Variants in ZNF536 observed in about 807,000 individuals in gnomAD.
The protein encoded by ZNF536 is zinc finger protein 536.
ZNF536 carries 13 observed loss-of-function variants against 84.5 expected under a neutral mutation model. That is an observed-to-expected ratio of 0.15 (90% confidence interval 0.10 to 0.24). ZNF536 has a LOEUF of 0.24. ZNF536 is among the 10% of genes least tolerant of loss of function. ZNF536 has a pLI of 1.00. For synonymous variants in ZNF536, 811 were observed against 742.5 expected (o/e 1.09, Z -1.50); for missense variants, 1,536 against 1,747.5 (o/e 0.88, Z 2.16).
chr19:30,558,569 T>C (rs991971185), downstream of ZNF536, among the ~76,000 whole-genome samples: 1 of 152,234 alleles, frequency 6.6e-6, no homozygotes, highest in Non-Finnish European at 1.5e-5. Flanking sequence ...GGAATCTTTA[T>C]GTTCTGCTGA....
intron 2 of ZNF536, among the ~76,000 whole-genome samples, chr19:30,299,478 A>G (rs1210791765): frequency 1.3e-5 from 2 of 152,158 alleles, no homozygotes; most frequent in Non-Finnish European, 2.9e-5. Flanking sequence ...GCTGCCTGTG[A>G]GGGTAGGTGG....
intron 2 of ZNF536, among the ~76,000 whole-genome samples, chr19:30,485,742 GTGTT>G (rs2054280567): frequency 2.0e-5 from 3 of 151,918 alleles, no homozygotes; most frequent in Admixed American, 2.0e-4. Context: ...ATTAATTACT[GTGTT>G]TGTAAAGTGC....
At chr19:30,431,992 C>CATATATATAT (rs561025363) in intron 1 of ZNF536, among the ~76,000 whole-genome samples, 12 of 144,600 alleles carry the variant, frequency 8.3e-5, no homozygotes, top group South Asian at 2.3e-4. Context: ...TCATTAAAAG[C>CATATATATAT]ATATATATAT....
intron 1 of ZNF536, among the ~76,000 whole-genome samples, chr19:30,674,112 G>A (rs1334688564): frequency 1.3e-5 from 2 of 152,242 alleles, no homozygotes; most frequent in Non-Finnish European, 2.9e-5. Context: ...CCAAGAGGCA[G>A]ATATTGTGTT....
intron 2 of ZNF536, among the ~76,000 whole-genome samples, chr19:30,304,400 G>T (rs965822167): frequency 2.0e-5 from 3 of 152,184 alleles, no homozygotes; most frequent in Middle Eastern, 3.2e-3. Context: ...AGAAGCCTTT[G>T]ATGGGAGGGA....
intron 2 of ZNF536, among the ~76,000 whole-genome samples, chr19:30,323,666 G>T (rs1348800470): frequency 6.6e-6 from 1 of 152,200 alleles, no homozygotes; most frequent in Admixed American, 6.5e-5. Context: ...GGCAGGTGCT[G>T]TCTAGAGGAA....
rs151214544 is a variant in ZNF536, at chr19:30,598,090, C to T, written c.169+48576C>T. Among the ~76,000 whole-genome samples the T allele has an allele frequency of 4.4e-3, 670 of 152,252 alleles. 5 individuals carry two copies. Among genetic ancestry groups the T allele is most frequent in the African/African-American group, 0.014 (590 of 41,542 alleles). ...CAACAGACACAGAGTAGGCATGCATCGTGAATCCAGCTGCTGAAATATCCC... is the reference window on the plus strand; with the variant it reads ...CAACAGACACAGAGTAGGCATGCATTGTGAATCCAGCTGCTGAAATATCCC... On this transcript the variant is annotated intron_variant, in intron 1 of 1. Transcript: ENST00000592773.
At chr19:30,553,252 T>C (rs1213620722) in intron 4 of ZNF536, among the ~76,000 whole-genome samples, 1 of 152,138 alleles carries the variant, frequency 6.6e-6, no homozygotes. Flanking sequence ...ATAAGCCCAG[T>C]CTAGTCTGAG....
At chr19:30,258,695 ATATTTATTTATTTATTTATT>A (rs10554010) in intron 1 of ZNF536, among the ~76,000 whole-genome samples, 1 of 146,522 alleles carries the variant, frequency 6.8e-6, no homozygotes, top group Admixed American at 6.8e-5. Context: ...TATTTTTTAA[ATATTTATTTATTTATTTATT>A]TATTTATTTA....
rs1418582004 is a variant in ZNF536, at chr19:30,526,678, T to C, written c.2171-8169T>C. Among the ~76,000 whole-genome samples the C allele has an allele frequency of 5.2e-5, 6 of 115,226 alleles. 1 individual carries two copies. Among genetic ancestry groups the C allele is most frequent in the African/African-American group, 1.1e-4 (4 of 35,788 alleles). The allele number at this position is 115,226 out of a possible 152,430, so 75.6% of individuals were successfully genotyped here. A position where few individuals can be genotyped will look rare whatever the true frequency, so the allele number is the denominator to read the frequency against. On this transcript the variant is annotated intron_variant, in intron 2 of 4. Transcript: ENST00000355537. ...GGCGGAGCTTGCAGTGAGCCGAGAT[T>C]GCGCCACTGCACTCCAGCCTGGGCG...
chr19:30,668,829 C>T (rs1436336313), intron 1 of ZNF536, among the ~76,000 whole-genome samples: 1 of 152,214 alleles, frequency 6.6e-6, no homozygotes, highest in African/African-American at 2.4e-5. Context: ...AAGCCAGCTC[C>T]GATTCCTGAG....
chr19:30,369,970 G>T (rs1302606061), upstream of ZNF536, among the ~76,000 whole-genome samples: 22 of 152,160 alleles, frequency 1.4e-4, no homozygotes. Context: ...TGTCCACAGT[G>T]GGGGGATGGC....
At chr19:30,517,963 A>G (rs1453532321) in intron 2 of ZNF536, among the ~76,000 whole-genome samples, 10 of 152,306 alleles carry the variant, frequency 6.6e-5, no homozygotes, top group Non-Finnish European at 2.9e-5. Flanking sequence ...CGTGGTGGGC[A>G]CAGCGTGTAC....
chr19:30,648,263 C>T (rs2049553014), intron 1 of ZNF536, among the ~76,000 whole-genome samples: 1 of 152,286 alleles, frequency 6.6e-6, no homozygotes, highest in Middle Eastern at 3.4e-3. Context: ...AACCTGCGGC[C>T]GCGTGGAAGC....
chr19:30,519,768 CG>C (rs1354048975), intron 2 of ZNF536, among the ~76,000 whole-genome samples: 1 of 152,084 alleles, frequency 6.6e-6, no homozygotes, highest in Admixed American at 6.5e-5. Context: ...TTCATTCATT[CG>C]GCTGGTCACC....
At chr19:30,317,916 C>T (rs960242375) in intron 2 of ZNF536, among the ~76,000 whole-genome samples, 1 of 152,208 alleles carries the variant, frequency 6.6e-6, no homozygotes, top group Non-Finnish European at 1.5e-5. Context: ...ATGGTATTTA[C>T]TAATATAAAT....
chr19:30,270,024 A>AAAGTC (rs750033408), intron 1 of ZNF536, among the ~76,000 whole-genome samples: 8 of 152,220 alleles, frequency 5.3e-5, no homozygotes, highest in Non-Finnish European at 1.0e-4. Flanking sequence ...AATGATTTGA[A>AAAGTC]AAGTCATTTA....
At chr19:30,656,293 A>T (rs1488927005) in intron 1 of ZNF536, among the ~76,000 whole-genome samples, 1 of 152,234 alleles carries the variant, frequency 6.6e-6, no homozygotes, top group East Asian at 1.9e-4. Context: ...AATGAATTTT[A>T]TCAGACTGCT....
chr19:30,451,985 C>G (rs930590361), intron 2 of ZNF536, among the ~76,000 whole-genome samples: 2 of 152,258 alleles, frequency 1.3e-5, no homozygotes, highest in Non-Finnish European at 2.9e-5. Context: ...TGCGTGATTT[C>G]CATTGACTCG....
Sources: allele counts gnomAD v4.1 joint callset (sites outside exome capture counted in the v4.1 genomes callset), GRCh38; gene constraint gnomAD v4.1.1; transcripts MANE v1.5; gene names NCBI Gene and HGNC (gene_info 2026-07-23, HGNC 2026-07-21).